RPA1: variants seen among roughly 807,000 people sequenced by gnomAD.
The protein encoded by RPA1 is replication protein A1, also known as replication protein A 70 kDa DNA-binding subunit.
Under a neutral mutation model 83.0 loss-of-function variants are expected in RPA1, and 49 were observed. That is an observed-to-expected ratio of 0.59 (90% CI 0.47 to 0.75). RPA1 has a LOEUF of 0.75. Among genes scored for constraint, RPA1 ranks in the 30% least tolerant of loss-of-function variants. RPA1 has a pLI of 0.00. For missense variants in RPA1, 693 were observed against 776.1 expected, an observed-to-expected ratio of 0.89 and a Z score of 1.27; for synonymous variants, 279 against 281.8, an observed-to-expected ratio of 0.99 and a Z score of 0.10.
chr17:1,886,062 TCTC>T (rs1913978888), intron 13 of RPA1, among the ~76,000 whole-genome samples: 1 of 151,976 alleles, frequency 6.6e-6, no homozygotes, highest in African/African-American at 2.4e-5. Context: ...AATATATTAA[TCTC>T]CTTGTACTGT....
intron 10 of RPA1, 42 bp downstream of exon 10, chr17:1,879,449 T>C: frequency 6.2e-7 from 1 of 1,611,320 alleles, no homozygotes; most frequent in Non-Finnish European, 8.5e-7. Context: ...ATGACTAGCT[T>C]TCTTTGCAGT....
intron 1 of RPA1, among the ~76,000 whole-genome samples, chr17:1,837,237 G>A (rs1278245931): frequency 1.3e-5 from 2 of 152,124 alleles, no homozygotes; most frequent in Non-Finnish European, 2.9e-5. Flanking sequence ...CCAAAGTGTT[G>A]GGGTTACAGG....
At chr17:1,858,812 C>T (rs1912822937) in intron 5 of RPA1, among the ~76,000 whole-genome samples, 1 of 151,826 alleles carries the variant, frequency 6.6e-6, no homozygotes, top group Admixed American at 6.6e-5. Flanking sequence ...TAATTTAATT[C>T]TAGTATGATC....
At chr17:1,885,568 G>A (rs1158709512) in intron 13 of RPA1, among the ~76,000 whole-genome samples, 1 of 151,928 alleles carries the variant, frequency 6.6e-6, no homozygotes, top group Admixed American at 6.6e-5. Context: ...ACCTCCCCAG[G>A]CTCCCAAGCT....
At chr17:1,849,167 G>C (rs556926386) in intron 4 of RPA1, among the ~76,000 whole-genome samples, 1 of 151,824 alleles carries the variant, frequency 6.6e-6, no homozygotes. Context: ...GTTTCTCCCC[G>C]TTCTTGCCAG....
intron 12 of RPA1, among the ~76,000 whole-genome samples, chr17:1,882,422 G>A (rs778798583): frequency 1.2e-4 from 19 of 152,174 alleles, no homozygotes; most frequent in African/African-American, 2.6e-4. Flanking sequence ...TTGGGAGGCC[G>A]AGGTGGACAA....
intron 7 of RPA1, among the ~76,000 whole-genome samples, chr17:1,876,129 G>A (rs143703489): frequency 2.6e-3 from 398 of 152,200 alleles, no homozygotes; most frequent in African/African-American, 9.0e-3. Context: ...AATTCAAAAG[G>A]CATTTAATCT....
At chr17:1,846,411 G>C (rs565657949) in intron 4 of RPA1, among the ~76,000 whole-genome samples, 1 of 139,040 alleles carries the variant, frequency 7.2e-6, no homozygotes, top group Non-Finnish European at 1.5e-5. Flanking sequence ...TTGACCTCCC[G>C]GGCTCAGGTG....
chr17:1,840,023 C>T (rs79644716), intron 1 of RPA1, among the ~76,000 whole-genome samples: 1 of 151,810 alleles, frequency 6.6e-6, no homozygotes, highest in African/African-American at 2.4e-5. Flanking sequence ...GAACTCCTGA[C>T]CTCAAGCGAT....
chr17:1,889,114 T>G (rs1202816424), intron 14 of RPA1, among the ~76,000 whole-genome samples: 1 of 152,146 alleles, frequency 6.6e-6, no homozygotes, highest in Non-Finnish European at 1.5e-5. Flanking sequence ...TAAATTAATT[T>G]GAAAACGGCA....
intron 5 of RPA1, among the ~76,000 whole-genome samples, chr17:1,863,029 A>G (rs944263804): frequency 2.8e-5 from 4 of 145,302 alleles, no homozygotes; most frequent in African/African-American, 5.1e-5. Context: ...AGATTTATTT[A>G]TTTAGTTATT....
intron 1 of RPA1, among the ~76,000 whole-genome samples, chr17:1,841,975 C>T (rs771361689): frequency 2.6e-5 from 4 of 152,068 alleles, no homozygotes; most frequent in Non-Finnish European, 4.4e-5. Flanking sequence ...TATGTCATGA[C>T]ATATTATCCA....
chr17:1,838,903 T>G (rs918979033), intron 1 of RPA1, among the ~76,000 whole-genome samples: 8 of 152,150 alleles, frequency 5.3e-5, no homozygotes, highest in African/African-American at 1.7e-4. Context: ...CAGGCTGGAG[T>G]GCAGTGGCAC....
chr17:1,866,283 C>T (rs1488056085), intron 5 of RPA1, among the ~76,000 whole-genome samples: 1 of 151,718 alleles, frequency 6.6e-6, no homozygotes, highest in Non-Finnish European at 1.5e-5. Context: ...AGAGATAATC[C>T]CATATACTTG....
chr17:1,892,070 GAT>G, intron 15 of RPA1, 130 bp downstream of exon 15: 2 of 496,992 alleles, frequency 4.0e-6, no homozygotes, highest in Non-Finnish European at 6.9e-6. Flanking sequence ...GCAGTGGCGC[GAT>G]CTCAGCTCAC....
At chr17:1,848,230 C>T (rs547541779) in intron 4 of RPA1, among the ~76,000 whole-genome samples, 8 of 152,052 alleles carry the variant, frequency 5.3e-5, no homozygotes, top group Non-Finnish European at 8.8e-5. Flanking sequence ...CATTATGGTA[C>T]GTGAATGATA....
chr17:1,892,242 T>C (rs1914231141), intron 15 of RPA1, among the ~76,000 whole-genome samples: 1 of 152,162 alleles, frequency 6.6e-6, no homozygotes, highest in Admixed American at 6.6e-5. Flanking sequence ...CCTGACCTCA[T>C]GATCTGCCCG....
intron 11 of RPA1, 24 bp downstream of exon 11, chr17:1,879,723 A>G: frequency 6.2e-7 from 1 of 1,613,928 alleles, no homozygotes; most frequent in Non-Finnish European, 8.5e-7. Flanking sequence ...TGGGGTCTTC[A>G]ACACGCACAG....
rs753905043 is a variant in RPA1 at position 1,858,140 on chromosome 17, A to C, written c.361+4951A>C. On this transcript the variant is annotated intron_variant, in intron 5 of 16. Coordinates refer to ENST00000254719, the MANE Select transcript of RPA1 (RefSeq NM_002945.5). ...ATCTTCAGGCCTTTTCCTAGGTTCC[A>C]CATCAAGTGTCGGATCCCATTCCAG... 13 of 1,613,862 alleles carry C rather than the reference A, an allele frequency of 8.1e-6. No homozygotes were observed. In the Admixed American group the frequency reaches 2.0e-4, roughly 25 times the overall value.
Sources: gnomAD v4.1 joint callset for allele counts (sites outside exome capture counted in the v4.1 genomes callset) on GRCh38, gnomAD v4.1.1 for gene constraint, MANE v1.5 for transcripts, NCBI Gene and HGNC (gene_info 2026-07-23, HGNC 2026-07-21) for gene names.